The following FIBCD1 variants were observed in gnomAD, a reference collection of about 807,000 sequenced individuals.
The protein encoded by FIBCD1 is fibrinogen C domain-containing protein 1.
In FIBCD1, 47 loss-of-function variants were observed where a neutral mutation model predicts 45.1. That is an observed-to-expected ratio of 1.04 (90% confidence interval 0.82 to 1.33). FIBCD1 has a LOEUF of 1.33. Ranked by LOEUF, FIBCD1 falls within the 40% of genes most tolerant of loss-of-function variation. The pLI is 0.00. For missense variants in FIBCD1, 653 were observed against 682.2 expected (o/e 0.96, Z 0.48); for synonymous variants, 313 against 308.1 (o/e 1.02, Z -0.17).
At position 130,930,001 on chromosome 9, in the gene FIBCD1, C is replaced by A; in HGVS notation, c.118G>T (p.Ala40Ser). The A allele has an allele frequency of 6.5e-7, 1 of 1,537,020 alleles. No homozygotes were observed. Among genetic ancestry groups the A allele is most frequent in the South Asian group, 1.2e-5 (1 of 80,704 alleles). The change falls in exon 2 of 7, where the codon GCT (alanine) becomes TCT (serine). Residue 40 changes from alanine (A) to serine (S), a missense_variant. Transcript: ENST00000372338. Reference sequence around the variant, plus strand: ...GTGACAGCTACAGCCAGCAGCACAGCCAGGGCCAGCAGCACGGTGCACAGC... The same window carrying A: ...GTGACAGCTACAGCCAGCAGCACAGACAGGGCCAGCAGCACGGTGCACAGC... ...YVLCTVLLAL[A>S]VLLAVAVTGA...
chr9:130,905,524 A>G (rs1365585993), intron 5 of FIBCD1, 111 bp from the exon 6 acceptor site: 2 of 1,157,156 alleles, frequency 1.7e-6, no homozygotes, highest in Non-Finnish European at 2.4e-6. Flanking sequence ...AGAAAGGGAC[A>G]ACCACCAAGT....
chr9:130,909,681 A>C (rs1204562232), intron 5 of FIBCD1, among the ~76,000 whole-genome samples: 1 of 152,120 alleles, frequency 6.6e-6, no homozygotes, highest in African/African-American at 2.4e-5. Context: ...TGATTCTTTT[A>C]GGATGTTTTG....
intron 5 of FIBCD1, among the ~76,000 whole-genome samples, chr9:130,909,511 G>GT (rs1831998287): frequency 6.6e-6 from 1 of 152,118 alleles, no homozygotes; most frequent in African/African-American, 2.4e-5. Context: ...GGCAATGGTT[G>GT]TAATATTCTG....
intron 1 of FIBCD1, among the ~76,000 whole-genome samples, chr9:130,937,691 C>T (rs1386787467): frequency 1.3e-5 from 2 of 152,216 alleles, no homozygotes; most frequent in Non-Finnish European, 1.5e-5. Flanking sequence ...TCCTCGTTTT[C>T]GCCTGCCTGC....
At chr9:130,940,072 T>G (rs1564343662), upstream of FIBCD1, among the ~76,000 whole-genome samples, 1 of 152,164 alleles carries the variant, frequency 6.6e-6, no homozygotes, top group Non-Finnish European at 1.5e-5. Context: ...GCCGCCGCGC[T>G]GTTCCCTGGC....
intron 5 of FIBCD1, among the ~76,000 whole-genome samples, chr9:130,909,326 G>A (rs1034008881): frequency 7.4e-6 from 1 of 134,356 alleles, no homozygotes; most frequent in Non-Finnish European, 1.6e-5. Flanking sequence ...GCACACACCC[G>A]GGGGGCTTAA....
At chr9:130,911,116 C>G (rs1156314101) in intron 5 of FIBCD1, among the ~76,000 whole-genome samples, 1 of 152,102 alleles carries the variant, frequency 6.6e-6, no homozygotes, top group African/African-American at 2.4e-5. Context: ...AAGCTTTGTT[C>G]TTTCACTCTT....
At chr9:130,915,330 C>T (rs1296821709) in intron 4 of FIBCD1, among the ~76,000 whole-genome samples, 1 of 152,224 alleles carries the variant, frequency 6.6e-6, no homozygotes, top group Non-Finnish European at 1.5e-5. Flanking sequence ...CTGCCTTTGC[C>T]TCTGCCCAAG....
rs558943326 is a variant in FIBCD1, at chr9:130,927,341, TAAG to T, written c.552+2223_552+2225del. The stretch of plus-strand genomic sequence containing the variant: ...TCACAAACAATTTCTACTATAATAA[TAAG>T]GAGACGTTGATGGTGCAGACCATGA... On this transcript the variant is annotated intron_variant, in intron 2 of 6. Coordinates refer to ENST00000372338, the MANE Select transcript of FIBCD1 (RefSeq NM_032843.5). 1.9e-3 allele frequency among the ~76,000 whole-genome samples: 288 copies of T among 152,152 alleles called. 2 individuals carry two copies. Among genetic ancestry groups the T allele is most frequent in the African/African-American group, 6.2e-3 (256 of 41,506 alleles).
At position 130,922,529 on chromosome 9, in the gene FIBCD1, A is replaced by C. The variant is rs954003597; in HGVS notation, c.849+1215T>G. On this transcript the variant is annotated intron_variant, in intron 4 of 6. Transcript: ENST00000372338. The surrounding 1 kb of genome is among the most constrained non-coding windows in gnomAD (Gnocchi z 4.5). The stretch of plus-strand genomic sequence containing the variant: ...ATGCCTGGGGCAGCCTGTGGATGAC[A>C]GGGCCAGAGCGTGGAACCTCCAGGC... Among the ~76,000 whole-genome samples, 1 of 152,022 alleles carries C rather than the reference A, an allele frequency of 6.6e-6. No individual in the cohort carries two copies. The highest frequency in any genetic ancestry group is 2.4e-5 in the African/African-American group (1 of 41,406).
At chr9:130,939,921 C>G (rs998710191), upstream of FIBCD1, among the ~76,000 whole-genome samples, 2 of 151,994 alleles carry the variant, frequency 1.3e-5, no homozygotes, top group African/African-American at 2.4e-5. Context: ...CCCCTCCCGC[C>G]GCCCCGCCGA....
intron 4 of FIBCD1, among the ~76,000 whole-genome samples, chr9:130,917,101 A>ACAAAG (rs1329385694): frequency 6.6e-6 from 1 of 151,662 alleles, no homozygotes; most frequent in Non-Finnish European, 1.5e-5. Context: ...TCGTCTTAAA[A>ACAAAG]CAAAACAAAA....
At chr9:130,932,189 C>T (rs1306676582) in intron 1 of FIBCD1, among the ~76,000 whole-genome samples, 1 of 152,226 alleles carries the variant, frequency 6.6e-6, no homozygotes, top group Non-Finnish European at 1.5e-5. Context: ...TTGTGTCTTA[C>T]TACCTAGAAG....
Position 130,935,228 on chromosome 9 carries a change from TG to T in FIBCD1, c.72+3307del, listed in dbSNP as rs1231120012. On this transcript the variant is annotated intron_variant, in intron 1 of 6. Coordinates refer to ENST00000372338, the MANE Select transcript of FIBCD1 (RefSeq NM_032843.5). ...AAGCGTCAAGAGATCTTGCCTGGGA[TG>T]GGTTGGAAGTTGACCTCCCTGTAGG... Among the ~76,000 whole-genome samples, 21 of 152,326 alleles carry T rather than the reference TG, an allele frequency of 1.4e-4. No individual in the cohort carries two copies. In the South Asian group the frequency reaches 2.3e-3, roughly 17 times the overall value.
chr9:130,923,607 G>C, intron 4 of FIBCD1, 137 bp downstream of exon 4: 1 of 1,339,620 alleles, frequency 7.5e-7, no homozygotes, highest in Non-Finnish European at 1.0e-6. Flanking sequence ...CCAGGCAGAA[G>C]GGCACCAGGG....
chr9:130,906,329 G>A (rs1004800422), intron 5 of FIBCD1, among the ~76,000 whole-genome samples: 6 of 152,144 alleles, frequency 3.9e-5, no homozygotes, highest in Admixed American at 3.9e-4. Context: ...TAGTAGCAGC[G>A]AGTGGTATTC....
In FIBCD1 at chr9:130,923,845, T is replaced by G. The variant is rs1334801743; in HGVS notation, c.748A>C (p.Ser250Arg). The change falls in exon 4 of 7, where the codon AGC becomes CGC. Residue 250 changes from serine to arginine, a missense_variant. Ser to Arg is a moderately radical substitution (Grantham distance 110). Coordinates refer to ENST00000372338, the MANE Select transcript of FIBCD1 (RefSeq NM_032843.5). The stretch of plus-strand genomic sequence containing the variant: ...TAGACGCCATCGTCCTGCTGTCCGC[T>G]TAGGAGGACGTCCAGACAGTCTCGG... ...RPRDCLDVLL[S>R]GQQDDGVYSV... 1.2e-6 allele frequency: 2 copies of G among 1,612,518 alleles called. No homozygotes were observed. Among genetic ancestry groups the G allele is most frequent in the East Asian group, 4.5e-5 (2 of 44,856 alleles).
At chr9:130,917,984 A>C (rs778965487) in intron 4 of FIBCD1, among the ~76,000 whole-genome samples, 1 of 152,148 alleles carries the variant, frequency 6.6e-6, no homozygotes, top group Non-Finnish European at 1.5e-5. Flanking sequence ...GGGCTCCTGC[A>C]CAGCACCCCG....
chr9:130,915,834 G>A (rs1243293818), intron 4 of FIBCD1, among the ~76,000 whole-genome samples: 1 of 152,236 alleles, frequency 6.6e-6, no homozygotes, highest in African/African-American at 2.4e-5. Context: ...GAAGTGACCT[G>A]CAGACTGACC....
Sources: gnomAD v4.1 joint callset for allele counts (sites outside exome capture counted in the v4.1 genomes callset) on GRCh38, gnomAD v4.1.1 for gene constraint, Gnocchi (gnomAD v3.1) non-coding constraint, MANE v1.5 for transcripts, NCBI Gene and HGNC (gene_info 2026-07-23, HGNC 2026-07-21) for gene names.